Variants in CCT6B observed in about 807,000 individuals in gnomAD.
CCT6B encodes the protein chaperonin containing TCP1 subunit 6B.
In CCT6B, 49 loss-of-function variants were observed where a neutral mutation model predicts 61.5. The observed-to-expected ratio is 0.80, with a 90% CI of 0.63 to 1.01. The LOEUF (loss-of-function observed/expected upper bound fraction) is 1.01, where lower values mean the gene tolerates loss of function less well. CCT6B is among the 50% of genes least tolerant of loss of function. CCT6B has a pLI of 0.00. For synonymous variants in CCT6B, 228 were observed against 214.5 expected (o/e 1.06, Z -0.55); for missense variants, 666 against 634.7 (o/e 1.05, Z -0.53).
chr17:34,950,570 C>G (rs963109787), intron 5 of CCT6B, among the ~76,000 whole-genome samples: 1 of 152,136 alleles, frequency 6.6e-6, no homozygotes, highest in African/African-American at 2.4e-5. Context: ...TCTAAGAAAA[C>G]ATTACTTACC....
intron 3 of CCT6B, among the ~76,000 whole-genome samples, chr17:34,957,508 CAAAG>C (rs1205329469): frequency 2.0e-5 from 3 of 152,134 alleles, no homozygotes; most frequent in African/African-American, 4.8e-5. Context: ...AGGTAAGAGA[CAAAG>C]AACCTGTGTA....
Position 34,961,341 on chromosome 17 carries a change from G to A in CCT6B, c.53C>T (p.Ala18Val), listed in dbSNP as rs1158318637. The A allele has an allele frequency of 1.2e-6, 2 of 1,612,552 alleles. No homozygotes were observed. The highest frequency in any genetic ancestry group is 2.7e-5 in the African/African-American group (2 of 74,888). Residue 18 changes from alanine (A) to valine (V), a missense_variant, in exon 1 of 14, where the codon GCA becomes GTA. Coordinates refer to ENST00000314144, the MANE Select transcript of CCT6B (RefSeq NM_006584.4). ...GGCGCATATATTGACAGCCAAAGCT[G>A]CCCGGGCCCGCGCCACCTCAGCCTT... is the stretch of plus-strand genomic sequence containing the variant. The part of the protein sequence containing the change: ...NSKAEVARAR[A>V]ALAVNICAAR...
chr17:34,956,816 CTCTT>C (rs568962864), intron 3 of CCT6B, among the ~76,000 whole-genome samples: 6 of 152,008 alleles, frequency 3.9e-5, no homozygotes, highest in South Asian at 4.2e-4. Flanking sequence ...TTCTCTCTCT[CTCTT>C]TCTTTTAGAG....
chr17:34,960,613 T>G (rs774549125), intron 1 of CCT6B, among the ~76,000 whole-genome samples: 11 of 152,232 alleles, frequency 7.2e-5, no homozygotes, highest in Non-Finnish European at 1.5e-4. Context: ...ACCGTTATCT[T>G]GATCATTTCT....
At chr17:34,959,120 A>C (rs1215496031) in intron 2 of CCT6B, among the ~76,000 whole-genome samples, 1 of 126,384 alleles carries the variant, frequency 7.9e-6, no homozygotes, top group South Asian at 2.6e-4. Flanking sequence ...CCAAAAAAAA[A>C]AACTTTTTTT....
intron 4 of CCT6B, among the ~76,000 whole-genome samples, 190 bp downstream of exon 4, chr17:34,954,236 T>C (rs894723356): frequency 2.6e-5 from 4 of 152,182 alleles, no homozygotes; most frequent in Admixed American, 1.3e-4. Flanking sequence ...AGTATGATAC[T>C]TCTGAAAATT....
intron 10 of CCT6B, among the ~76,000 whole-genome samples, chr17:34,938,680 A>G (rs992079864): frequency 2.6e-5 from 4 of 152,236 alleles, no homozygotes; most frequent in Admixed American, 6.5e-5. Flanking sequence ...AACCTTGGCA[A>G]CATGGTGAAA....
At position 34,931,003 on chromosome 17, in the gene CCT6B, C is replaced by CT. The variant is rs534850160; in HGVS notation, c.1395dup (p.Val466SerfsTer4). On this transcript the variant is annotated frameshift_variant, in exon 12 of 14. Coordinates refer to ENST00000314144, the MANE Select transcript of CCT6B (RefSeq NM_006584.4). LOFTEE classifies it high-confidence loss of function. ...TTTGACTCGACATGCTCAGCCTGAA[C>CT]TTTTACTAATGTTTCCTGTGGGTCA... 13 of 1,605,162 alleles carry CT rather than the reference C, an allele frequency of 8.1e-6. No homozygotes were observed. Among genetic ancestry groups the CT allele is most frequent in the Non-Finnish European group, 1.1e-5 (13 of 1,174,204 alleles).
At chr17:34,930,611 C>A (rs2090024871) in intron 12 of CCT6B, among the ~76,000 whole-genome samples, 1 of 152,122 alleles carries the variant, frequency 6.6e-6, no homozygotes, top group South Asian at 2.1e-4. Context: ...ATTATTATAG[C>A]ACTCTTTTTT....
rs115822440 is a variant in CCT6B, at chr17:34,961,289, C to T, written c.105G>A (p.Arg35=). Residue 35 remains arginine (R), a synonymous_variant, in exon 1 of 14, where the codon CGG becomes CGA. Transcript: ENST00000314144. The part of the protein sequence containing the change: ...CAARGLQDVL[R]TNLGPKGTMK... ...TGGTGCCTTTAGGACCCAAGTTGGT[C>T]CGCAGCACATCCTGCAGCCCTCGGG... 3.1e-4 allele frequency: 506 copies of T among 1,612,644 alleles called. No homozygotes were observed. In the African/African-American group the frequency reaches 5.5e-3, roughly 18 times the overall value.
intron 11 of CCT6B, 85 bp downstream of exon 11, chr17:34,932,282 A>G: frequency 8.2e-7 from 1 of 1,223,966 alleles, no homozygotes. Context: ...TGTCTACTCC[A>G]TTAACTATCA....
Position 34,939,251 on chromosome 17 carries a change from T to C in CCT6B, c.1145A>G (p.His382Arg). ...VTLLVKGPNKHTLTQVKDAIR... is the reference protein window; with the variant it reads ...VTLLVKGPNKRTLTQVKDAIR... ...GGCATCCTTGACTTGTGTGAGAGTA[T>C]GCTTATTTGGTCCTTTAACCAACAA... The change falls in exon 10 of 14, where the codon CAT becomes CGT. Residue 382 changes from histidine (H) to arginine (R), a missense_variant. Transcript: ENST00000314144. 6.2e-7 allele frequency: 1 copy of C among 1,613,900 alleles called. No individual in the cohort carries two copies.
Position 34,939,230 on chromosome 17 carries a change from T to C in CCT6B, c.1166A>G (p.Asp389Gly), listed in dbSNP as rs1396375036. Residue 389 changes from aspartate (D) to glycine (G), a missense_variant, in exon 10 of 14, where the codon GAT (aspartate) becomes GGT (glycine). Physicochemically the swap from Asp to Gly is moderately conservative, Grantham distance 94. Coordinates refer to ENST00000314144, the MANE Select transcript of CCT6B (RefSeq NM_006584.4). ...PNKHTLTQVK[D>G]AIRDGLRAIK... ...AGCACGAAGTCCATCTCTTATGGCA[T>C]CCTTGACTTGTGTGAGAGTATGCTT... The C allele has an allele frequency of 6.2e-7, 1 of 1,614,012 alleles. No individual in the cohort carries two copies. The highest frequency in any genetic ancestry group is 2.2e-5 in the East Asian group (1 of 44,838).
Position 34,928,028 on chromosome 17 carries a change from G to C in CCT6B, c.*20C>G. The C allele has an allele frequency of 6.3e-7, 1 of 1,581,880 alleles. No individual in the cohort carries two copies. Among genetic ancestry groups the C allele is most frequent in the Non-Finnish European group, 8.7e-7 (1 of 1,154,220 alleles). ...GTACTAAATTTCATCTTCTAGAAGG[G>C]TTGATTTTGAATTCAATCATCATTT... On this transcript the variant is annotated 3_prime_UTR_variant, in exon 14 of 14. Transcript: ENST00000314144.
intron 13 of CCT6B, 37 bp from the exon 14 acceptor site, chr17:34,928,154 A>G: frequency 7.2e-7 from 1 of 1,381,336 alleles, no homozygotes; most frequent in Non-Finnish European, 1.0e-6. Flanking sequence ...AAAGCCTACT[A>G]ACCCACTCTT....
rs764426502 is a variant in CCT6B, at chr17:34,934,622, C to T, written c.1214-2122G>A. On this transcript the variant is annotated intron_variant, in intron 10 of 13. Coordinates refer to ENST00000314144, the MANE Select transcript of CCT6B (RefSeq NM_006584.4). Reference sequence around the variant, plus strand: ...TAAAGCTCACTCAAAAAAAACAAAACCTTTATAGCCCTACGTCTATTAAAA... The same window carrying T: ...TAAAGCTCACTCAAAAAAAACAAAATCTTTATAGCCCTACGTCTATTAAAA... 5.9e-5 allele frequency among the ~76,000 whole-genome samples: 9 copies of T among 152,096 alleles called. No individual in the cohort carries two copies. The East Asian group carries it at 1.2e-3, about 20-fold the overall frequency.
chr17:34,953,293 T>C (rs1318149991), intron 4 of CCT6B, among the ~76,000 whole-genome samples: 2 of 149,358 alleles, frequency 1.3e-5, no homozygotes, highest in African/African-American at 4.9e-5. Context: ...TCCCAAAATA[T>C]CCAGCCAATC....
At chr17:34,953,116 T>C (rs1437934683) in intron 4 of CCT6B, among the ~76,000 whole-genome samples, 5 of 152,124 alleles carry the variant, frequency 3.3e-5, no homozygotes, top group Admixed American at 6.5e-5. Context: ...TTTGTAGTTC[T>C]CAAAGTAAAT....
intron 3 of CCT6B, among the ~76,000 whole-genome samples, chr17:34,954,909 A>G (rs934036138): frequency 5.3e-5 from 8 of 152,210 alleles, no homozygotes; most frequent in African/African-American, 1.9e-4. Context: ...TGCAGAGGAA[A>G]AGAACCACCA....
Sources: allele counts gnomAD v4.1 joint callset (sites outside exome capture counted in the v4.1 genomes callset), GRCh38; gene constraint gnomAD v4.1.1; transcripts MANE v1.5; gene names NCBI Gene and HGNC (gene_info 2026-07-23, HGNC 2026-07-21).